TMC4: variants seen among roughly 807,000 people sequenced by gnomAD.
The protein encoded by TMC4 is voltage-gated chloride channel TMC4.
A neutral mutation model predicts 82.0 loss-of-function variants in TMC4; 70 were observed. The observed-to-expected ratio is 0.85, with a 90% confidence interval of 0.70 to 1.04. The LOEUF is 1.04. TMC4 is among the 50% of genes least tolerant of loss of function. The pLI, the probability that TMC4 is intolerant of heterozygous loss-of-function variation, is 0.00. For synonymous variants in TMC4, 446 were observed against 406.0 expected (o/e 1.10, Z -1.18); for missense variants, 879 against 899.0 (o/e 0.98, Z 0.28).
At position 54,171,941 on chromosome 19, in the gene TMC4, G is replaced by A. The variant is rs768013660; in HGVS notation, c.222C>T (p.Thr74=). The A allele has an allele frequency of 1.9e-6, 3 of 1,613,720 alleles. No homozygotes were observed. In the East Asian group the frequency reaches 6.7e-5, roughly 36 times the overall value. ...GGTGAGGGTCCTGCAGCTCTGTCTG[G>A]GTGACTTCTGTGAAGGCCTTTCTGC... ...GRSRKAFTEV[T]QTELQDPHPS... is the part of the protein sequence containing the mutation. The change falls in exon 2 of 15, where the codon ACC becomes ACT. Residue 74 remains threonine, a synonymous_variant. Transcript: ENST00000619895.
In TMC4 at chr19:54,172,021, G is replaced by A. The variant is rs767956014; in HGVS notation, c.142C>T (p.Pro48Ser). The A allele has an allele frequency of 5.6e-6, 9 of 1,613,186 alleles. No individual in the cohort carries two copies. Among genetic ancestry groups the A allele is most frequent in the Admixed American group, 5.0e-5 (3 of 59,932 alleles). The change falls in exon 2 of 15, where the codon CCT becomes TCT. Residue 48 changes from proline to serine, a missense_variant. Transcript: ENST00000619895. The stretch of plus-strand genomic sequence containing the variant: ...AGCGCCCCCCAAGGCAGCACCCCAG[G>A]GTCTCGGTACCGAAGGGTGGCAGCA... ...PSAATLRYRD[P>S]GVLPWGALEE...
chr19:54,169,651 A>G lies in TMC4; in HGVS notation c.303T>C (p.Asn101=). The G allele has an allele frequency of 6.8e-6, 11 of 1,613,530 alleles. No individual in the cohort carries two copies. The highest frequency in any genetic ancestry group is 7.6e-6 in the Non-Finnish European group (9 of 1,179,866). ...CATAGACCACCTGGTCCCTGCTGGCATTTCTTTGCCTGGGAGGGAAACAGG... is the reference window on the plus strand; with the variant it reads ...CATAGACCACCTGGTCCCTGCTGGCGTTTCTTTGCCTGGGAGGGAAACAGG... ...MQARRAHRQR[N]ASRDQVVYGS... Residue 101 remains asparagine (N), a synonymous_variant, in exon 3 of 15, where the codon AAT becomes AAC. Coordinates refer to ENST00000619895, the MANE Select transcript of TMC4 (RefSeq NM_144686.4).
Position 54,168,564 on chromosome 19 carries a change from C to A in TMC4, c.559G>T (p.Gly187Cys). The change falls in exon 4 of 15, where the codon GGC (glycine) becomes TGC (cysteine). Residue 187 changes from glycine to cysteine, a missense_variant. Gly to Cys is a radical substitution (Grantham distance 159). Coordinates refer to ENST00000619895, the MANE Select transcript of TMC4 (RefSeq NM_144686.4). ...CMTLLPTWLG[G>C]APPGPPGPDI... ...GGGCCGGGAGGGCCTGGGGGAGCGC[C>A]TCCCAACCAGGTGGGCAGCAGCGTC... 6.3e-7 allele frequency: 1 copy of A among 1,578,728 alleles called. No individual in the cohort carries two copies. Among genetic ancestry groups the A allele is most frequent in the Non-Finnish European group, 8.6e-7 (1 of 1,162,978 alleles).
rs1191130303 is a variant in TMC4 at position 54,172,030 on chromosome 19, A to T, written c.133T>A (p.Tyr45Asn). ...NELPSAATLRYRDPGVLPWGA... is the reference protein window; with the variant it reads ...NELPSAATLRNRDPGVLPWGA... ...CAAGGCAGCACCCCAGGGTCTCGGT[A>T]CCGAAGGGTGGCAGCACTGGGCAGC... is the stretch of plus-strand genomic sequence containing the variant. The change falls in exon 2 of 15, where the codon TAC becomes AAC. Residue 45 changes from tyrosine to asparagine, a missense_variant. Transcript: ENST00000619895. 6.2e-7 allele frequency: 1 copy of T among 1,612,986 alleles called. No individual in the cohort carries two copies.
At chr19:54,163,540 T>A in intron 8 of TMC4, 184 bp downstream of exon 8, 1 of 723,680 alleles carries the variant, frequency 1.4e-6, no homozygotes, top group South Asian at 1.7e-5. Context: ...ACTCCTGACC[T>A]CAGCCTCGGC....
intron 8 of TMC4, 91 bp from the exon 9 acceptor site, chr19:54,163,250 T>A: frequency 6.7e-7 from 1 of 1,491,664 alleles, no homozygotes; most frequent in Non-Finnish European, 9.1e-7. Context: ...ATTCAACCCA[T>A]CTCACAGATG....
At chr19:54,172,131 TTCC>T (rs761228254) in intron 1 of TMC4, 48 bp from the exon 2 acceptor site, 2 of 1,461,418 alleles carry the variant, frequency 1.4e-6, no homozygotes, top group Non-Finnish European at 1.8e-6. Context: ...TGGGCCCTAA[TTCC>T]TCCTCCCTCA....
Position 54,160,955 on chromosome 19 carries a change from G to T in TMC4, c.1896C>A (p.Ser632Arg), listed in dbSNP as rs1322615857. The change falls in exon 13 of 15, where the codon AGC (serine) becomes AGA (arginine). Residue 632 changes from serine (S) to arginine (R), a missense_variant. Physicochemically the swap from Ser to Arg is moderately radical, Grantham distance 110 (BLOSUM62 -1). Coordinates refer to ENST00000619895, the MANE Select transcript of TMC4 (RefSeq NM_144686.4). ...IWAQIPESIS[S>R]LPETTQNFLF... is the part of the protein sequence containing the mutation. ...GGAAATTCTGGGTGGTCTCAGGGAG[G>T]CTGGAAATAGACTCAGGGATCTGGG... The T allele has an allele frequency of 1.9e-6, 3 of 1,614,212 alleles. No individual in the cohort carries two copies. In the South Asian group the frequency reaches 3.3e-5, roughly 18 times the overall value.
chr19:54,165,343 G>A, intron 6 of TMC4, 76 bp downstream of exon 6: 1 of 1,456,288 alleles, frequency 6.9e-7, no homozygotes, highest in South Asian at 1.4e-5. Flanking sequence ...CCATCACCGA[G>A]TTAGGCCCTG....
chr19:54,162,317 A>AG (rs2075578127), intron 10 of TMC4, 32 bp from the exon 11 acceptor site: 1 of 1,195,542 alleles, frequency 8.4e-7, no homozygotes, highest in Admixed American at 4.6e-5. Context: ...GGCCGGAGTC[A>AG]GGGGAGTGGC....
In TMC4 at chr19:54,161,337, T is replaced by TG. The variant is rs1555819324; in HGVS notation, c.1687-78dup. On this transcript the variant is annotated intron_variant, in intron 11 of 14. Coordinates refer to ENST00000619895, the MANE Select transcript of TMC4 (RefSeq NM_144686.4). ...CTCCATTTTTTTTTTTTTTTTTTTT[T>TG]GAGACAGAGTCTCGCTCTGTCGCCC... is the stretch of plus-strand genomic sequence containing the variant. 93 of 1,035,804 alleles carry TG rather than the reference T, an allele frequency of 9.0e-5. 1 individual carries two copies. The African/African-American group carries it at 1.9e-3, about 22-fold the overall frequency. The allele number at this position is 1,035,804 out of a possible 1,614,324, so 64.2% of individuals were successfully genotyped here.
In TMC4 at chr19:54,163,592, G is replaced by T. The variant is rs1211711326; in HGVS notation, c.1277+132C>A. ...ATTACAGGTGTGAGCCACTGCACCT[G>T]GCCAACAGAGTCAGGATTTGAATCC... On this transcript the variant is annotated intron_variant, in intron 8 of 14. Transcript: ENST00000619895. 7 of 1,160,670 alleles carry T rather than the reference G, an allele frequency of 6.0e-6. No homozygotes were observed. The African/African-American group carries it at 9.1e-5, about 15-fold the overall frequency. 71.9% of individuals were successfully genotyped at this position (1,160,670 alleles called of 1,614,324 possible). A position where few individuals can be genotyped will look rare whatever the true frequency, so the allele number is the denominator to read the frequency against.
chr19:54,161,525 CTGT>C (rs759305499), intron 11 of TMC4, among the ~76,000 whole-genome samples: 4 of 150,510 alleles, frequency 2.7e-5, no homozygotes, highest in East Asian at 3.9e-4. Flanking sequence ...ATTTGTTTTG[CTGT>C]TGTTGTTGTT....
Position 54,166,040 on chromosome 19 carries a change from C to T in TMC4, c.798-474G>A, listed in dbSNP as rs147706096. Among the ~76,000 whole-genome samples, 9 of 152,098 alleles carry T rather than the reference C, an allele frequency of 5.9e-5. No homozygotes were observed. The East Asian group carries it at 1.4e-3, about 23-fold the overall frequency. On this transcript the variant is annotated intron_variant, in intron 5 of 14. Transcript: ENST00000619895. ...AGAAGGGAGCTGCGGCGGGAAGAGC[C>T]GAGAAGAAGACAGAGACCCAGAGAA...
intron 2 of TMC4, among the ~76,000 whole-genome samples, chr19:54,170,203 C>T (rs1396153405): frequency 6.6e-6 from 1 of 152,086 alleles, no homozygotes; most frequent in South Asian, 2.1e-4. Flanking sequence ...TTGCAGAGCA[C>T]AGCTTGCAAA....
At chr19:54,169,008 ATATTTTTT>A (rs1406874402) in intron 3 of TMC4, among the ~76,000 whole-genome samples, 3 of 3,614 alleles carry the variant, frequency 8.3e-4, no homozygotes, top group African/African-American at 7.4e-4. Flanking sequence ...ATATATATAT[ATATTTTTT>A]TTTTTTTCTT....
At chr19:54,172,620 C>T (rs536487615) in intron 1 of TMC4, 5 of 291,914 alleles carry the variant, frequency 1.7e-5, no homozygotes, top group Non-Finnish European at 2.5e-5. Flanking sequence ...CCCCTCCTCC[C>T]TCAGGCCCAG....
chr19:54,172,572 A>G (rs989473223), intron 1 of TMC4: 92 of 244,928 alleles, frequency 3.8e-4, no homozygotes, highest in African/African-American at 1.9e-3. Context: ...CCAGGCACCC[A>G]GCCCCTCCTC....
intron 5 of TMC4, among the ~76,000 whole-genome samples, 174 bp from the exon 6 acceptor site, chr19:54,165,740 T>C (rs2075688023): frequency 6.6e-6 from 1 of 151,842 alleles, no homozygotes; most frequent in Admixed American, 6.6e-5. Flanking sequence ...ACACAGTCAT[T>C]GAAGGCAAAG....
Sources: allele counts gnomAD v4.1 joint callset (sites outside exome capture counted in the v4.1 genomes callset), GRCh38; gene constraint gnomAD v4.1.1; transcripts MANE v1.5; gene names NCBI Gene and HGNC (gene_info 2026-07-23, HGNC 2026-07-21).